Variants in NAALADL2 observed in about 807,000 individuals in gnomAD.
NAALADL2 encodes N-acetylated alpha-linked acidic dipeptidase like 2, also known as inactive N-acetylated-alpha-linked acidic dipeptidase-like protein 2.
A neutral mutation model predicts 87.2 loss-of-function variants in NAALADL2; 76 were observed. The ratio of observed to expected loss-of-function variants is 0.87; its 90% CI spans 0.72 to 1.05. The LOEUF is 1.05. Ranked by LOEUF, NAALADL2 falls within the 50% of genes least tolerant of loss-of-function variation. The pLI, the probability that NAALADL2 is intolerant of heterozygous loss-of-function variation, is 0.00. For synonymous variants in NAALADL2, 354 were observed against 331.0 expected, an observed-to-expected ratio of 1.07 and a Z score of -0.75; for missense variants, 1,089 against 945.8, an observed-to-expected ratio of 1.15 and a Z score of -1.99.
intron 1 of NAALADL2, among the ~76,000 whole-genome samples, chr3:174,887,273 C>CTTA (rs1730275937): frequency 1.5e-5 from 2 of 132,502 alleles, no homozygotes; most frequent in African/African-American, 6.9e-5. Context: ...CTTTGTTAAC[C>CTTA]TTATCAATGT....
At chr3:175,334,303 A>G (rs778244793) in intron 5 of NAALADL2, among the ~76,000 whole-genome samples, 2 of 152,164 alleles carry the variant, frequency 1.3e-5, no homozygotes, top group Non-Finnish European at 2.9e-5. Flanking sequence ...AGCAATCCAT[A>G]TTTATAGATA....
intron 1 of NAALADL2, among the ~76,000 whole-genome samples, chr3:174,951,303 G>A (rs1740305510): frequency 6.6e-6 from 1 of 152,020 alleles, no homozygotes; most frequent in Non-Finnish European, 1.5e-5. Flanking sequence ...TAAATCGTTA[G>A]CTTTTTCCAT....
chr3:175,798,549 G>T (rs1408309757), intron 13 of NAALADL2, among the ~76,000 whole-genome samples: 1 of 152,028 alleles, frequency 6.6e-6, no homozygotes, highest in Non-Finnish European at 1.5e-5. Flanking sequence ...CATTATAAAA[G>T]CATGTTACTA....
chr3:174,877,611 A>G (rs1182567018), intron 1 of NAALADL2, among the ~76,000 whole-genome samples: 1 of 152,128 alleles, frequency 6.6e-6, no homozygotes, highest in Admixed American at 6.6e-5. Context: ...TCCACTCAGT[A>G]TTAAAAATAC....
At chr3:174,836,106 A>G (rs531850047) in intron 3 of NAALADL2, among the ~76,000 whole-genome samples, 1 of 152,236 alleles carries the variant, frequency 6.6e-6, no homozygotes, top group Admixed American at 6.5e-5. Flanking sequence ...AAGTCTATTG[A>G]TGGATGAATA....
At chr3:174,719,211 C>G (rs372212791) in intron 2 of NAALADL2, among the ~76,000 whole-genome samples, 11 of 152,044 alleles carry the variant, frequency 7.2e-5, no homozygotes, top group African/African-American at 2.7e-4. Flanking sequence ...AACATTTGTA[C>G]CACCTCTCAT....
At chr3:175,366,303 G>C (rs1443013668) in intron 5 of NAALADL2, among the ~76,000 whole-genome samples, 1 of 151,342 alleles carries the variant, frequency 6.6e-6, no homozygotes, top group African/African-American at 2.4e-5. Flanking sequence ...ATTGTGAATA[G>C]TGCCTCAATA....
intron 2 of NAALADL2, among the ~76,000 whole-genome samples, chr3:174,695,853 C>T (rs1205367939): frequency 2.0e-5 from 3 of 151,682 alleles, no homozygotes; most frequent in Admixed American, 2.0e-4. Flanking sequence ...TAAATCATAG[C>T]CTGCAAAAGT....
chr3:174,947,071 G>A (rs1280429813), intron 1 of NAALADL2, among the ~76,000 whole-genome samples: 1 of 152,010 alleles, frequency 6.6e-6, no homozygotes, highest in Non-Finnish European at 1.5e-5. Context: ...ATATATAACT[G>A]TGCTTAATTG....
chr3:175,197,193 T>C (rs1262230898), intron 2 of NAALADL2, among the ~76,000 whole-genome samples: 1 of 152,048 alleles, frequency 6.6e-6, no homozygotes. Context: ...ACAATTAATT[T>C]TCTGCAGCTA....
chr3:174,985,533 A>G (rs2108676468), intron 1 of NAALADL2, among the ~76,000 whole-genome samples: 1 of 152,308 alleles, frequency 6.6e-6, no homozygotes, highest in Admixed American at 6.5e-5. Context: ...CTGTATATCT[A>G]AATTCTGGAT....
intron 11 of NAALADL2, among the ~76,000 whole-genome samples, chr3:175,721,247 CA>C (rs1742193624): frequency 6.6e-6 from 1 of 151,942 alleles, no homozygotes; most frequent in African/African-American, 2.4e-5. Context: ...ATATACAATT[CA>C]ATCTCTACAG....
chr3:175,410,102 A>G (rs1713205711), intron 5 of NAALADL2, among the ~76,000 whole-genome samples: 1 of 152,152 alleles, frequency 6.6e-6, no homozygotes, highest in Admixed American at 6.6e-5. Context: ...CAGGAAATAA[A>G]TTTATATTGT....
At chr3:174,495,006 A>G (rs1013652639) in intron 1 of NAALADL2, among the ~76,000 whole-genome samples, 6 of 152,152 alleles carry the variant, frequency 3.9e-5, no homozygotes, top group Non-Finnish European at 8.8e-5. Context: ...ATGTTATTAT[A>G]CCCCAAAGAC....
intron 1 of NAALADL2, among the ~76,000 whole-genome samples, chr3:174,981,018 C>T (rs1363230735): frequency 6.6e-6 from 1 of 151,946 alleles, no homozygotes; most frequent in Non-Finnish European, 1.5e-5. Flanking sequence ...AAAATAAAGC[C>T]CTAGGGTAAA....
intron 2 of NAALADL2, among the ~76,000 whole-genome samples, chr3:174,594,087 G>T (rs954525401): frequency 1.4e-5 from 2 of 143,750 alleles, no homozygotes; most frequent in African/African-American, 5.5e-5. Flanking sequence ...TAATATTGAG[G>T]AATTTTTTTT....
intron 5 of NAALADL2, among the ~76,000 whole-genome samples, chr3:175,376,266 A>G (rs1560457101): frequency 6.6e-6 from 1 of 152,020 alleles, no homozygotes; most frequent in African/African-American, 2.4e-5. Flanking sequence ...TAAAGAACTT[A>G]TTTTAACATG....
intron 1 of NAALADL2, among the ~76,000 whole-genome samples, chr3:174,492,705 TA>T (rs1319152814): frequency 1.3e-5 from 2 of 152,354 alleles, no homozygotes; most frequent in African/African-American, 4.8e-5. Flanking sequence ...TTCATTTAAA[TA>T]AATGCTCTTG....
chr3:174,970,092 T>A (rs764057812), intron 1 of NAALADL2, among the ~76,000 whole-genome samples: 1 of 152,198 alleles, frequency 6.6e-6, no homozygotes, highest in Non-Finnish European at 1.5e-5. Flanking sequence ...TAATGGTTAA[T>A]TCTAGTGACC....
Sources: allele counts gnomAD v4.1 joint callset (sites outside exome capture counted in the v4.1 genomes callset), GRCh38; gene constraint gnomAD v4.1.1; transcripts MANE v1.5; gene names NCBI Gene and HGNC (gene_info 2026-07-23, HGNC 2026-07-21).